Variants in ARID2 observed in about 807,000 individuals in gnomAD.
ARID2 encodes the protein AT-rich interaction domain 2, also known as AT-rich interactive domain-containing protein 2.
In ARID2, 32 loss-of-function variants were observed where a neutral mutation model predicts 184.6. That is an observed-to-expected ratio of 0.17 (90% CI 0.13 to 0.23). The LOEUF (loss-of-function observed/expected upper bound fraction) is 0.23, where lower values mean the gene tolerates loss of function less well. Ranked by LOEUF, ARID2 falls within the 10% of genes least tolerant of loss-of-function variation. ARID2 has a pLI of 1.00. For missense variants in ARID2, 1,696 were observed against 2,197.6 expected (o/e 0.77, Z 4.56); for synonymous variants, 836 against 772.6 (o/e 1.08, Z -1.36).
intron 16 of ARID2, among the ~76,000 whole-genome samples, chr12:45,865,870 GCTA>G (rs1943823644): frequency 2.6e-5 from 4 of 152,180 alleles, no homozygotes; most frequent in Admixed American, 2.6e-4. Flanking sequence ...TTCATCAGAT[GCTA>G]CTCAAGACTC....
chr12:45,887,310 AATTAT>A (rs1336861604), intron 16 of ARID2, among the ~76,000 whole-genome samples: 3 of 152,218 alleles, frequency 2.0e-5, no homozygotes, highest in Non-Finnish European at 2.9e-5. Flanking sequence ...TTGTTACAGT[AATTAT>A]ATTAAATACT....
intron 16 of ARID2, chr12:45,880,995 A>G (rs551354386): frequency 1.0e-5 from 2 of 196,090 alleles, no homozygotes; most frequent in African/African-American, 4.7e-5. Context: ...TGTTTGAGGC[A>G]TTGGAGAAGC....
intron 15 of ARID2, among the ~76,000 whole-genome samples, chr12:45,854,714 C>A (rs907198238): frequency 2.0e-5 from 3 of 152,188 alleles, no homozygotes; most frequent in African/African-American, 7.2e-5. Flanking sequence ...GGAATTGTTT[C>A]ACCAACACTC....
chr12:45,824,615 G>A (rs1942959607), intron 6 of ARID2, among the ~76,000 whole-genome samples: 1 of 151,970 alleles, frequency 6.6e-6, no homozygotes, highest in African/African-American at 2.4e-5. Context: ...TGTCAGAAAG[G>A]CAGCAAAATA....
intron 16 of ARID2, among the ~76,000 whole-genome samples, chr12:45,865,487 T>A (rs1478405782): frequency 2.0e-5 from 3 of 152,128 alleles, no homozygotes; most frequent in Non-Finnish European, 4.4e-5. Flanking sequence ...TTTGTTTTTG[T>A]CCTAGATGAA....
intron 6 of ARID2, among the ~76,000 whole-genome samples, chr12:45,834,655 G>A (rs1306900919): frequency 6.6e-6 from 1 of 152,122 alleles, no homozygotes; most frequent in African/African-American, 2.4e-5. Context: ...AGGCAGAATC[G>A]CTTGAACCTG....
Position 45,870,172 on chromosome 12 carries a change from A to G in ARID2, c.4922+9223A>G, listed in dbSNP as rs576526920. On this transcript the variant is annotated intron_variant, in intron 16 of 20. Transcript: ENST00000334344. ...TGCTAACTTTTTTTGTATTTTTAGT[A>G]GAGAACGGGGCTTCACTGTGCTAGC... is the stretch of plus-strand genomic sequence containing the variant. Among the ~76,000 whole-genome samples, 11 of 152,044 alleles carry G rather than the reference A, an allele frequency of 7.2e-5. No homozygotes were observed. The South Asian group carries it at 1.0e-3, about 14-fold the overall frequency.
intron 3 of ARID2, among the ~76,000 whole-genome samples, chr12:45,767,009 A>T (rs1365294492): frequency 6.6e-6 from 1 of 152,098 alleles, no homozygotes; most frequent in Non-Finnish European, 1.5e-5. Context: ...AACATTTTAC[A>T]TTCTCACCAG....
chr12:45,804,902 G>T (rs1229993184), intron 3 of ARID2, among the ~76,000 whole-genome samples: 2 of 151,774 alleles, frequency 1.3e-5, no homozygotes, highest in Non-Finnish European at 2.9e-5. Flanking sequence ...TCGATTTTTT[G>T]CATGCTTATG....
rs1479293908 is a variant in ARID2, at chr12:45,852,587, C to T, written c.4464C>T (p.Asp1488=). 2.6e-5 allele frequency: 42 copies of T among 1,614,042 alleles called. No homozygotes were observed. Among genetic ancestry groups the T allele is most frequent in the Non-Finnish European group, 3.4e-5 (40 of 1,180,020 alleles). ...IQGHQIIAVP[D]SGSKVSHSPA... is the part of the protein sequence containing the mutation. ...GACATCAAATCATAGCAGTTCCCGA[C>T]TCAGGATCAAAAGTATCCCATTCTC... The change falls in exon 15 of 21, where the codon GAC becomes GAT. Residue 1488 remains aspartate, a synonymous_variant. Transcript: ENST00000334344.
intron 3 of ARID2, among the ~76,000 whole-genome samples, chr12:45,797,212 T>G (rs1233110521): frequency 6.6e-6 from 1 of 152,096 alleles, no homozygotes; most frequent in East Asian, 1.9e-4. Context: ...TTTGCCTAAG[T>G]TTTTAAATTT....
chr12:45,752,547 G>A (rs1234366816), intron 3 of ARID2, among the ~76,000 whole-genome samples: 3 of 152,138 alleles, frequency 2.0e-5, no homozygotes, highest in Non-Finnish European at 4.4e-5. Flanking sequence ...TAAGAGACAG[G>A]GTCTGGCTCT....
At chr12:45,805,733 C>T (rs1305582006) in intron 3 of ARID2, among the ~76,000 whole-genome samples, 3 of 152,106 alleles carry the variant, frequency 2.0e-5, no homozygotes, top group Non-Finnish European at 4.4e-5. Context: ...TAGTTTAACA[C>T]ATCTATCACC....
At chr12:45,831,334 A>G (rs911081279) in intron 6 of ARID2, among the ~76,000 whole-genome samples, 1 of 152,154 alleles carries the variant, frequency 6.6e-6, no homozygotes, top group Admixed American at 6.5e-5. Flanking sequence ...ACAACTGAGT[A>G]TCTTCTCATT....
intron 3 of ARID2, among the ~76,000 whole-genome samples, chr12:45,739,152 C>CT (rs1941195155): frequency 6.6e-6 from 1 of 151,354 alleles, no homozygotes; most frequent in African/African-American, 2.4e-5. Context: ...TGTTTTTTTG[C>CT]TTTTTTAGTA....
intron 3 of ARID2, among the ~76,000 whole-genome samples, chr12:45,787,829 A>G (rs1942224650): frequency 6.6e-6 from 1 of 152,144 alleles, no homozygotes; most frequent in South Asian, 2.1e-4. Context: ...CTTTGAATGG[A>G]CAAAGCTAGA....
At chr12:45,736,249 CG>C (rs1442716985) in intron 3 of ARID2, among the ~76,000 whole-genome samples, 1 of 151,652 alleles carries the variant, frequency 6.6e-6, no homozygotes, top group Non-Finnish European at 1.5e-5. Flanking sequence ...CCCAGCTACT[CG>C]GGAGGCTGAG....
chr12:45,737,489 T>C (rs2137972731), intron 3 of ARID2, among the ~76,000 whole-genome samples: 1 of 151,746 alleles, frequency 6.6e-6, no homozygotes, highest in Non-Finnish European at 1.5e-5. Context: ...CTCATACATA[T>C]TTGCTGAAAA....
At chr12:45,890,149 G>A (rs944285980) in intron 16 of ARID2, among the ~76,000 whole-genome samples, 4 of 152,192 alleles carry the variant, frequency 2.6e-5, no homozygotes, top group Non-Finnish European at 5.9e-5. Context: ...GTAGATTGGA[G>A]AGAAAAATAG....
Sources: gnomAD v4.1 joint callset for allele counts (sites outside exome capture counted in the v4.1 genomes callset) on GRCh38, gnomAD v4.1.1 for gene constraint, MANE v1.5 for transcripts, NCBI Gene and HGNC (gene_info 2026-07-23, HGNC 2026-07-21) for gene names.